GLRA3: variants seen among roughly 807,000 people sequenced by gnomAD.
The protein encoded by GLRA3 is glycine receptor alpha 3, also known as glycine receptor subunit alpha-3.
GLRA3 carries 44 observed loss-of-function variants against 60.4 expected under a neutral mutation model. That is an observed-to-expected ratio of 0.73 (90% confidence interval 0.57 to 0.94). The LOEUF is 0.94. Ranked by LOEUF, GLRA3 falls within the 40% of genes least tolerant of loss-of-function variation. GLRA3 has a pLI of 0.00. For missense variants in GLRA3, 508 were observed against 564.6 expected (o/e 0.90, Z 1.02); for synonymous variants, 223 against 192.9 (o/e 1.16, Z -1.29).
At chr4:174,716,340 T>C (rs1180272021) in intron 4 of GLRA3, among the ~76,000 whole-genome samples, 1 of 152,186 alleles carries the variant, frequency 6.6e-6, no homozygotes, top group Non-Finnish European at 1.5e-5. Flanking sequence ...ATACCAGTAT[T>C]CCGCTCATTG....
intron 5 of GLRA3, among the ~76,000 whole-genome samples, chr4:174,711,828 T>A (rs1735730370): frequency 6.6e-6 from 1 of 152,202 alleles, no homozygotes; most frequent in Non-Finnish European, 1.5e-5. Context: ...CTGGACTTTT[T>A]CAAGGTACAT....
chr4:174,715,142 ATATATATAGACACTTCG>A (rs1182043718), intron 5 of GLRA3, among the ~76,000 whole-genome samples: 1 of 152,224 alleles, frequency 6.6e-6, no homozygotes, highest in Non-Finnish European at 1.5e-5. Context: ...ATAAGAAAAA[ATATATATAGACACTTCG>A]TTGAGAAGAG....
intron 1 of GLRA3, among the ~76,000 whole-genome samples, chr4:174,821,292 A>G (rs756476322): frequency 6.6e-6 from 1 of 152,208 alleles, no homozygotes; most frequent in Non-Finnish European, 1.5e-5. Flanking sequence ...AATGCTTTTA[A>G]GGCTAACTTA....
At chr4:174,781,101 T>G (rs1738848981) in intron 2 of GLRA3, among the ~76,000 whole-genome samples, 1 of 152,010 alleles carries the variant, frequency 6.6e-6, no homozygotes, top group Non-Finnish European at 1.5e-5. Context: ...GAACAGAGAT[T>G]ATAACAAACT....
chr4:174,738,531 T>C (rs1267846921), intron 3 of GLRA3, among the ~76,000 whole-genome samples: 1 of 152,248 alleles, frequency 6.6e-6, no homozygotes, highest in East Asian at 1.9e-4. Context: ...TTTGAGCATG[T>C]AAACTTGAGG....
chr4:174,713,308 G>A (rs1396979316), intron 5 of GLRA3, among the ~76,000 whole-genome samples: 2 of 152,064 alleles, frequency 1.3e-5, no homozygotes, highest in African/African-American at 4.8e-5. Flanking sequence ...GCAGACACAT[G>A]GGAGGTCTTA....
chr4:174,685,568 C>T (rs969466335), intron 5 of GLRA3, among the ~76,000 whole-genome samples: 7 of 152,026 alleles, frequency 4.6e-5, no homozygotes, highest in African/African-American at 1.7e-4. Flanking sequence ...AAGGACTGTC[C>T]CCTAGGCTGA....
intron 7 of GLRA3, among the ~76,000 whole-genome samples, chr4:174,669,631 A>G (rs1733829774): frequency 6.6e-6 from 1 of 152,118 alleles, no homozygotes; most frequent in Non-Finnish European, 1.5e-5. Flanking sequence ...GCTGAAGTGC[A>G]GTGGTGTAAT....
chr4:174,796,610 G>C (rs1739580987), intron 1 of GLRA3, among the ~76,000 whole-genome samples: 2 of 151,558 alleles, frequency 1.3e-5, no homozygotes, highest in South Asian at 2.1e-4. Context: ...GATCTTGGCT[G>C]ACTGAAACCT....
chr4:174,762,203 T>C (rs1324784760), intron 3 of GLRA3, among the ~76,000 whole-genome samples: 2 of 152,168 alleles, frequency 1.3e-5, no homozygotes, highest in African/African-American at 4.8e-5. Flanking sequence ...AAATAAATAA[T>C]GGACTTTTAA....
At chr4:174,717,606 G>A (rs565128243) in intron 4 of GLRA3, among the ~76,000 whole-genome samples, 19 of 152,146 alleles carry the variant, frequency 1.2e-4, no homozygotes, top group Non-Finnish European at 2.2e-4. Flanking sequence ...AATTTTAAGA[G>A]TCTTAGGAGG....
intron 7 of GLRA3, among the ~76,000 whole-genome samples, chr4:174,659,887 G>A (rs944042356): frequency 2.7e-4 from 41 of 150,762 alleles, no homozygotes; most frequent in African/African-American, 7.8e-4. Flanking sequence ...CAGGAGAATC[G>A]CTTGAACCCA....
At chr4:174,778,125 T>C (rs2200457) in intron 2 of GLRA3, among the ~76,000 whole-genome samples, 41,029 of 151,816 alleles carry the variant, frequency 0.27, 6,128 homozygotes, top group East Asian at 0.52. Context: ...CCTCCAACTC[T>C]GTAACATCGT....
intron 6 of GLRA3, among the ~76,000 whole-genome samples, chr4:174,682,562 T>C (rs1249520262): frequency 6.6e-6 from 1 of 152,190 alleles, no homozygotes; most frequent in Non-Finnish European, 1.5e-5. Flanking sequence ...TATGAGCTTT[T>C]CATTAAAAAT....
At chr4:174,693,503 T>C (rs1366933078) in intron 5 of GLRA3, among the ~76,000 whole-genome samples, 1 of 152,150 alleles carries the variant, frequency 6.6e-6, no homozygotes, top group Non-Finnish European at 1.5e-5. Context: ...CTCTATTCTG[T>C]TCAGTTGGTC....
chr4:174,684,258 A>G (rs1253396634), intron 5 of GLRA3, among the ~76,000 whole-genome samples: 3 of 152,176 alleles, frequency 2.0e-5, no homozygotes, highest in Non-Finnish European at 4.4e-5. Flanking sequence ...TCATGAAAAT[A>G]AATAACAACT....
intron 1 of GLRA3, among the ~76,000 whole-genome samples, chr4:174,804,991 C>A (rs578001905): frequency 6.6e-6 from 1 of 152,168 alleles, no homozygotes; most frequent in African/African-American, 2.4e-5. Flanking sequence ...ATGGAGCCTT[C>A]GTGTTGAACA....
intron 1 of GLRA3, among the ~76,000 whole-genome samples, chr4:174,800,795 C>T (rs1192106525): frequency 6.6e-6 from 1 of 151,954 alleles, no homozygotes; most frequent in Non-Finnish European, 1.5e-5. Context: ...CTTATGCCTG[C>T]CTTATGATGA....
chr4:174,722,828 T>C (rs1443252019), intron 4 of GLRA3: 1 of 167,052 alleles, frequency 6.0e-6, no homozygotes, highest in Non-Finnish European at 1.5e-5. Context: ...ACAATTTTTG[T>C]TAACAAAGAA....
Sources: gnomAD v4.1 joint callset for allele counts (sites outside exome capture counted in the v4.1 genomes callset) on GRCh38, gnomAD v4.1.1 for gene constraint, MANE v1.5 for transcripts, NCBI Gene and HGNC (gene_info 2026-07-23, HGNC 2026-07-21) for gene names.